The following SHROOM3 variants were observed in gnomAD, a reference collection of about 807,000 sequenced individuals.
The protein encoded by SHROOM3 is protein Shroom3.
Under a neutral mutation model 138.6 loss-of-function variants are expected in SHROOM3, and 47 were observed. The ratio of observed to expected loss-of-function variants is 0.34; its 90% CI spans 0.27 to 0.43. The LOEUF (loss-of-function observed/expected upper bound fraction) is 0.43. SHROOM3 is among the 20% of genes least tolerant of loss of function. SHROOM3 has a pLI of 1.00. For missense variants in SHROOM3, 2,491 were observed against 2,596.5 expected, an observed-to-expected ratio of 0.96 and a Z score of 0.88; for synonymous variants, 1,062 against 1,063.3, an observed-to-expected ratio of 1.00 and a Z score of 0.02.
intron 9 of SHROOM3, among the ~76,000 whole-genome samples, chr4:76,765,732 T>TA (rs1277439637): frequency 3.3e-5 from 5 of 152,176 alleles, no homozygotes; most frequent in African/African-American, 9.6e-5. Flanking sequence ...TGTCTAATCT[T>TA]ACGACTGCAC....
chr4:76,708,847 T>A (rs994736272), intron 2 of SHROOM3, among the ~76,000 whole-genome samples: 1 of 152,216 alleles, frequency 6.6e-6, no homozygotes, highest in African/African-American at 2.4e-5. Flanking sequence ...TTGACCAATT[T>A]ATTCAGTTCA....
At chr4:76,616,134 C>T (rs1463186913) in intron 2 of SHROOM3, among the ~76,000 whole-genome samples, 1 of 152,116 alleles carries the variant, frequency 6.6e-6, no homozygotes, top group East Asian at 1.9e-4. Context: ...TTGGACAACA[C>T]TTTGGTAGCA....
chr4:76,481,988 A>G (rs1731623126), intron 1 of SHROOM3, among the ~76,000 whole-genome samples: 1 of 152,214 alleles, frequency 6.6e-6, no homozygotes, highest in Non-Finnish European at 1.5e-5. Context: ...TAAACTAGGT[A>G]TTGATGGAAC....
intron 2 of SHROOM3, among the ~76,000 whole-genome samples, chr4:76,653,111 T>C (rs1406509631): frequency 6.6e-6 from 1 of 152,154 alleles, no homozygotes; most frequent in Non-Finnish European, 1.5e-5. Context: ...GAAGAATTGC[T>C]CAGTAAACTT....
intron 4 of SHROOM3, among the ~76,000 whole-genome samples, chr4:76,737,846 G>A (rs2110132625): frequency 6.6e-6 from 1 of 152,186 alleles, no homozygotes; most frequent in East Asian, 1.9e-4. Context: ...TTATTGTTGA[G>A]TTTTAAGTGA....
At chr4:76,494,684 G>A (rs925295983) in intron 1 of SHROOM3, among the ~76,000 whole-genome samples, 9 of 152,220 alleles carry the variant, frequency 5.9e-5, no homozygotes, top group Admixed American at 2.0e-4. Flanking sequence ...GCACTTGAAA[G>A]CAGCCACAAA....
chr4:76,575,772 G>A (rs1403933655), intron 2 of SHROOM3: 2 of 152,134 alleles, frequency 1.3e-5, no homozygotes, highest in African/African-American at 4.8e-5. Flanking sequence ...ATACACTGAT[G>A]AAAGGAGTTG....
Position 76,490,986 on chromosome 4 carries a change from C to T in SHROOM3, c.168+54766C>T, listed in dbSNP as rs891102053. On this transcript the variant is annotated intron_variant, in intron 1 of 10. Coordinates refer to ENST00000296043, the MANE Select transcript of SHROOM3 (RefSeq NM_020859.4). ...GCTTTGGAATATCTTCTGGGGTTAA[C>T]GGGGGAATTCTTGAAAGTTTTCTCA... Among the ~76,000 whole-genome samples the T allele has an allele frequency of 3.9e-5, 6 of 152,218 alleles. No individual in the cohort carries two copies. In the South Asian group the frequency reaches 8.3e-4, roughly 21 times the overall value.
chr4:76,524,466 C>T (rs922053941), intron 1 of SHROOM3, among the ~76,000 whole-genome samples: 7 of 152,052 alleles, frequency 4.6e-5, no homozygotes, highest in Admixed American at 6.6e-5. Flanking sequence ...CCAAAGGAGG[C>T]GAAAACAGGG....
intron 2 of SHROOM3, among the ~76,000 whole-genome samples, chr4:76,596,480 A>G (rs183068927): frequency 2.6e-5 from 4 of 152,088 alleles, no homozygotes; most frequent in African/African-American, 9.7e-5. Context: ...TGATGTTTGT[A>G]TGATGAAATT....
At chr4:76,689,393 G>A (rs1448711435) in intron 2 of SHROOM3, among the ~76,000 whole-genome samples, 1 of 151,356 alleles carries the variant, frequency 6.6e-6, no homozygotes, top group East Asian at 1.9e-4. Flanking sequence ...CGGCCCCTCG[G>A]GTGCGGCGGG....
At chr4:76,574,549 TAGAC>T (rs908042880) in intron 2 of SHROOM3, among the ~76,000 whole-genome samples, 7 of 152,186 alleles carry the variant, frequency 4.6e-5, no homozygotes, top group Non-Finnish European at 8.8e-5. Context: ...AAACTCTTAT[TAGAC>T]AGACCGGATA....
chr4:76,649,329 G>T (rs545404652), intron 2 of SHROOM3, among the ~76,000 whole-genome samples: 21 of 152,306 alleles, frequency 1.4e-4, no homozygotes, highest in Non-Finnish European at 2.6e-4. Context: ...AGCTAATGAT[G>T]CCTGGAGCAG....
chr4:76,681,594 G>GGGGT (rs1553936165), intron 2 of SHROOM3, among the ~76,000 whole-genome samples: 33 of 81,070 alleles, frequency 4.1e-4, no homozygotes, highest in East Asian at 1.9e-3. Context: ...CAGAGTCTAG[G>GGGGT]GTGTGTGTGT....
At chr4:76,768,042 C>T (rs1330537999) in intron 9 of SHROOM3, among the ~76,000 whole-genome samples, 1 of 152,144 alleles carries the variant, frequency 6.6e-6, no homozygotes. Context: ...TGGTATAACC[C>T]AGTTGTCTTT....
intron 3 of SHROOM3, among the ~76,000 whole-genome samples, chr4:76,717,553 C>T (rs554853597): frequency 1.3e-5 from 2 of 151,960 alleles, no homozygotes; most frequent in East Asian, 3.9e-4. Context: ...TTTCTCCTTG[C>T]CTTTCAGTTT....
chr4:76,461,974 G>A (rs930184405), intron 1 of SHROOM3, among the ~76,000 whole-genome samples: 1 of 152,176 alleles, frequency 6.6e-6, no homozygotes, highest in African/African-American at 2.4e-5. Context: ...TCTTCCAAGG[G>A]TGTGATAATT....
chr4:76,736,117 T>TGGAAATGG, intron 4 of SHROOM3, among the ~76,000 whole-genome samples: 1 of 134,062 alleles, frequency 7.5e-6, no homozygotes, highest in South Asian at 2.5e-4. Context: ...CCATTTCCCC[T>TGGAAATGG]GGAAGTATTA....
chr4:76,437,631 A>G (rs1228015238), intron 1 of SHROOM3, among the ~76,000 whole-genome samples: 1 of 152,170 alleles, frequency 6.6e-6, no homozygotes, highest in African/African-American at 2.4e-5. Flanking sequence ...AATCACTGGT[A>G]AGAAATGCCA....
Sources: gnomAD v4.1 joint callset for allele counts (sites outside exome capture counted in the v4.1 genomes callset) on GRCh38, gnomAD v4.1.1 for gene constraint, MANE v1.5 for transcripts, NCBI Gene and HGNC (gene_info 2026-07-23, HGNC 2026-07-21) for gene names.